TAF4B: variants seen among roughly 807,000 people sequenced by gnomAD.
TAF4B encodes transcription initiation factor TFIID subunit 4B.
A neutral mutation model predicts 86.4 loss-of-function variants in TAF4B; 38 were observed. The observed-to-expected ratio is 0.44, with a 90% CI of 0.34 to 0.58. TAF4B has a LOEUF of 0.58. Ranked by LOEUF, TAF4B falls within the 20% of genes least tolerant of loss-of-function variation. The probability of loss-of-function intolerance (pLI) is 0.02; values close to 1 mark genes in which losing one functional copy is unlikely to be tolerated. For missense variants in TAF4B, 988 were observed against 1,027.6 expected (o/e 0.96, Z 0.53); for synonymous variants, 388 against 391.2 (o/e 0.99, Z 0.10).
At chr18:26,247,534 T>C (rs1395608681) in intron 1 of TAF4B, among the ~76,000 whole-genome samples, 18 of 152,040 alleles carry the variant, frequency 1.2e-4, no homozygotes, top group Admixed American at 1.2e-3. Context: ...TACACAAAAA[T>C]ATTACCCTCC....
At chr18:26,341,937 T>C (rs966029662) in intron 13 of TAF4B, among the ~76,000 whole-genome samples, 2 of 152,158 alleles carry the variant, frequency 1.3e-5, no homozygotes, top group African/African-American at 2.4e-5. Flanking sequence ...TTTTAGCATT[T>C]AACCTTGCAT....
intron 1 of TAF4B, chr18:26,255,618 AG>A: frequency 3.8e-6 from 3 of 794,660 alleles, no homozygotes; most frequent in Admixed American, 2.7e-5. Flanking sequence ...AAAAAAAAAA[AG>A]AGGGTCAGTT....
intron 1 of TAF4B, among the ~76,000 whole-genome samples, chr18:26,261,077 C>A (rs2056158136): frequency 6.7e-6 from 1 of 150,178 alleles, no homozygotes; most frequent in Non-Finnish European, 1.5e-5. Flanking sequence ...TAAAAAAGGT[C>A]TGGCTAGACT....
In TAF4B at chr18:26,272,395, C is replaced by T. The variant is rs531311202; in HGVS notation, c.598-2268C>T. Among the ~76,000 whole-genome samples, 17 of 152,248 alleles carry T rather than the reference C, an allele frequency of 1.1e-4. No homozygotes were observed. In the South Asian group the frequency reaches 1.2e-3, roughly 11 times the overall value. On this transcript the variant is annotated intron_variant, in intron 3 of 14. Transcript: ENST00000269142. The stretch of plus-strand genomic sequence containing the variant: ...TCCTGACAGGCCACAGACCTATACC[C>T]GCCCGCGGCACAGGGGTTGGGGACC...
chr18:26,275,499 G>C (rs1324023230), intron 5 of TAF4B, among the ~76,000 whole-genome samples: 1 of 151,970 alleles, frequency 6.6e-6, no homozygotes, highest in Non-Finnish European at 1.5e-5. Flanking sequence ...TTTGTTTTTT[G>C]CTTCTTGAAA....
At chr18:26,236,243 C>T (rs769747212) in intron 1 of TAF4B, among the ~76,000 whole-genome samples, 8 of 152,168 alleles carry the variant, frequency 5.3e-5, no homozygotes, top group Admixed American at 2.0e-4. Context: ...AGCAAAGTCT[C>T]CCAATTACAA....
intron 2 of TAF4B, 24 bp from the exon 3 acceptor site, chr18:26,267,492 A>G (rs370814875): frequency 2.2e-5 from 34 of 1,523,280 alleles, no homozygotes; most frequent in Non-Finnish European, 3.0e-5. Flanking sequence ...ACTTTGTGTT[A>G]TCTTGCTCCC....
Position 26,346,831 on chromosome 18 carries a change from ATATATG to A in TAF4B, c.2317-10857_2317-10852del, listed in dbSNP as rs1567913927. ...TATATATATATGTGTGTGTATATAT[ATATATG>A]TGTGTGTGTATATATATATATGTGT... On this transcript the variant is annotated intron_variant, in intron 13 of 14. Transcript: ENST00000269142. Among the ~76,000 whole-genome samples the A allele has an allele frequency of 1.6e-3, 39 of 24,356 alleles. 10 individuals carry two copies. The highest frequency in any genetic ancestry group is 3.4e-3 in the Non-Finnish European group (31 of 9,050). The allele number at this position is 24,356 out of a possible 152,430, so 16.0% of individuals were successfully genotyped here. A position where few individuals can be genotyped will look rare whatever the true frequency, so the allele number is the denominator to read the frequency against.
At chr18:26,272,536 C>T (rs1378327818) in intron 3 of TAF4B, among the ~76,000 whole-genome samples, 1 of 152,032 alleles carries the variant, frequency 6.6e-6, no homozygotes, top group Non-Finnish European at 1.5e-5. Flanking sequence ...ATAAATGCCC[C>T]CTCTACTTGT....
intron 5 of TAF4B, among the ~76,000 whole-genome samples, chr18:26,277,375 C>T (rs1020277784): frequency 5.3e-5 from 8 of 152,144 alleles, no homozygotes; most frequent in South Asian, 2.1e-4. Flanking sequence ...CATGAGCCAC[C>T]GTGCCCAGCT....
At chr18:26,326,631 T>C (rs112795611) in intron 11 of TAF4B, among the ~76,000 whole-genome samples, 184 of 152,322 alleles carry the variant, frequency 1.2e-3, no homozygotes, top group African/African-American at 4.1e-3. Context: ...ATTACTTATA[T>C]TAATGTCTGC....
At chr18:26,345,884 A>G (rs1167654522) in intron 13 of TAF4B, among the ~76,000 whole-genome samples, 3 of 152,224 alleles carry the variant, frequency 2.0e-5, no homozygotes, top group Non-Finnish European at 4.4e-5. Flanking sequence ...ATCTTAAGTA[A>G]ACTCTGTGAG....
chr18:26,244,140 G>T (rs2055885420), intron 1 of TAF4B, among the ~76,000 whole-genome samples: 1 of 152,238 alleles, frequency 6.6e-6, no homozygotes. Flanking sequence ...AGAAGTTTCT[G>T]CTGCCTTTTG....
chr18:26,267,655 G>A (rs1464852835), intron 3 of TAF4B, 32 bp downstream of exon 3: 3 of 1,479,362 alleles, frequency 2.0e-6, no homozygotes, highest in South Asian at 2.3e-5. Context: ...TGCACTTGTT[G>A]TTCTCTTAAC....
At chr18:26,315,460 A>T in intron 10 of TAF4B, 62 bp downstream of exon 10, 1 of 1,359,008 alleles carries the variant, frequency 7.4e-7, no homozygotes, top group East Asian at 2.4e-5. Context: ...AAATATTATC[A>T]AAAGAGACAA....
chr18:26,296,601 T>A (rs998425599), intron 9 of TAF4B, among the ~76,000 whole-genome samples: 8 of 152,126 alleles, frequency 5.3e-5, no homozygotes, highest in Non-Finnish European at 8.8e-5. Context: ...CAGGCAGTCA[T>A]CATCATCTTT....
chr18:26,237,249 A>G (rs1266693176), intron 1 of TAF4B, among the ~76,000 whole-genome samples: 2 of 152,168 alleles, frequency 1.3e-5, no homozygotes, highest in Non-Finnish European at 2.9e-5. Context: ...AGCTAAAGCC[A>G]CATTCTTCTC....
chr18:26,333,477 C>T (rs60762402), intron 12 of TAF4B, among the ~76,000 whole-genome samples: 7,116 of 152,174 alleles, frequency 0.047, 511 homozygotes, highest in African/African-American at 0.16. Flanking sequence ...CCTTGATCTC[C>T]CAGGCTCAAG....
At chr18:26,232,302 G>T (rs1414343804) in intron 1 of TAF4B, among the ~76,000 whole-genome samples, 1 of 152,104 alleles carries the variant, frequency 6.6e-6, no homozygotes, top group East Asian at 1.9e-4. Flanking sequence ...TTGCTGGATA[G>T]GGGCGAAGAA....
Sources: gnomAD v4.1 joint callset for allele counts (sites outside exome capture counted in the v4.1 genomes callset) on GRCh38, gnomAD v4.1.1 for gene constraint, MANE v1.5 for transcripts, NCBI Gene and HGNC (gene_info 2026-07-23, HGNC 2026-07-21) for gene names.